Variants in ICA1L observed in about 807,000 individuals in gnomAD.
ICA1L encodes islet cell autoantigen 1 like.
ICA1L carries 50 observed loss-of-function variants against 61.3 expected under a neutral mutation model. That is an observed-to-expected ratio of 0.82 (90% confidence interval 0.65 to 1.03). ICA1L has a LOEUF of 1.03. Ranked by LOEUF, ICA1L falls within the 50% of genes least tolerant of loss-of-function variation. ICA1L has a pLI of 0.00. For missense variants in ICA1L, 508 were observed against 556.7 expected (o/e 0.91, Z 0.88); for synonymous variants, 161 against 191.3 (o/e 0.84, Z 1.31).
intron 9 of ICA1L, among the ~76,000 whole-genome samples, chr2:202,808,691 TG>T (rs1405137755): frequency 6.6e-6 from 1 of 152,106 alleles, no homozygotes; most frequent in Non-Finnish European, 1.5e-5. Flanking sequence ...TCCATGTGTT[TG>T]GGGGGAAGTA....
rs547227479 is a variant in ICA1L at position 202,798,774 on chromosome 2, C to T, written c.911-1810G>A. Among the ~76,000 whole-genome samples, 7 of 152,242 alleles carry T rather than the reference C, an allele frequency of 4.6e-5. No individual in the cohort carries two copies. In the East Asian group the frequency reaches 7.7e-4, roughly 17 times the overall value. Reference sequence around the variant, plus strand: ...CTTACCTCTTAATCCTCCTCACTGCCGCCACCACTCACCCTTTCCAGTCTT... The same window carrying T: ...CTTACCTCTTAATCCTCCTCACTGCTGCCACCACTCACCCTTTCCAGTCTT... On this transcript the variant is annotated intron_variant, in intron 9 of 12. Coordinates refer to ENST00000358299, the MANE Select transcript of ICA1L (RefSeq NM_001288622.3).
At chr2:202,791,446 T>C (rs758124677) in intron 10 of ICA1L, among the ~76,000 whole-genome samples, 10 of 151,944 alleles carry the variant, frequency 6.6e-5, no homozygotes, top group Admixed American at 5.3e-4. Context: ...GTCAATAGAG[T>C]TGAATAGATT....
chr2:202,837,200 A>G (rs969386212), intron 1 of ICA1L, among the ~76,000 whole-genome samples: 1 of 151,312 alleles, frequency 6.6e-6, no homozygotes, highest in African/African-American at 2.4e-5. Context: ...ATCAGCTGTA[A>G]TGTCTCCCTC....
At chr2:202,858,703 G>A (rs1694829684) in intron 1 of ICA1L, among the ~76,000 whole-genome samples, 1 of 152,194 alleles carries the variant, frequency 6.6e-6, no homozygotes, top group Non-Finnish European at 1.5e-5. Context: ...GCCTAGTGAT[G>A]TCATAGCCAT....
At chr2:202,813,288 T>A (rs536758542) in intron 8 of ICA1L, among the ~76,000 whole-genome samples, 68 of 152,004 alleles carry the variant, frequency 4.5e-4, no homozygotes, top group Non-Finnish European at 7.9e-4. Flanking sequence ...ATATATAAAT[T>A]CACAAATTTA....
chr2:202,796,316 A>T (rs1368900843), intron 10 of ICA1L, among the ~76,000 whole-genome samples: 1 of 152,224 alleles, frequency 6.6e-6, no homozygotes, highest in Non-Finnish European at 1.5e-5. Context: ...AATTTTTTTA[A>T]CTTAAAGAAA....
intron 9 of ICA1L, among the ~76,000 whole-genome samples, chr2:202,810,545 T>C (rs1420918347): frequency 6.6e-6 from 1 of 152,180 alleles, no homozygotes; most frequent in Non-Finnish European, 1.5e-5. Context: ...CTGTGATGAT[T>C]GCATTAACTG....
intron 9 of ICA1L, among the ~76,000 whole-genome samples, chr2:202,801,849 C>T (rs1374761074): frequency 6.6e-6 from 1 of 152,150 alleles, no homozygotes; most frequent in African/African-American, 2.4e-5. Context: ...AAAGTGGTCA[C>T]CAGGCTGTGA....
chr2:202,814,914 T>C (rs564036398), intron 7 of ICA1L, 130 bp from the exon 8 acceptor site: 8 of 655,078 alleles, frequency 1.2e-5, no homozygotes, highest in East Asian at 5.4e-5. Context: ...GTGAAAGATA[T>C]AGGACATGTA....
In ICA1L at chr2:202,774,963, CACT is replaced by C. The variant is rs1478396771; in HGVS notation, c.*4567_*4569del. ...TGGCCAATGAGTAGTTAATTTACACCACTGAGTGAAGAACCATGTTTTGACTTT... is the reference window on the plus strand; with the variant it reads ...TGGCCAATGAGTAGTTAATTTACACCGAGTGAAGAACCATGTTTTGACTTT... On this transcript the variant is annotated 3_prime_UTR_variant, in exon 13 of 13. Coordinates refer to ENST00000358299, the MANE Select transcript of ICA1L (RefSeq NM_001288622.3). 3 of 152,186 alleles carry C rather than the reference CACT, an allele frequency of 2.0e-5. No homozygotes were observed. Among genetic ancestry groups the C allele is most frequent in the African/African-American group, 7.2e-5 (3 of 41,444 alleles). 9.4% of individuals were successfully genotyped at this position (152,186 alleles called of 1,614,324 possible).
intron 8 of ICA1L, among the ~76,000 whole-genome samples, chr2:202,814,456 G>A (rs1010943543): frequency 2.0e-5 from 3 of 152,108 alleles, no homozygotes; most frequent in Admixed American, 6.5e-5. Flanking sequence ...AGAAACCAGG[G>A]CCACGCTCTT....
intron 1 of ICA1L, chr2:202,841,372 C>A (rs899536584): frequency 5.7e-6 from 5 of 878,850 alleles, no homozygotes; most frequent in Non-Finnish European, 9.6e-6. Context: ...AACATGTTGT[C>A]CGTGTTGCTC....
chr2:202,817,924 T>G (rs1281267083), intron 5 of ICA1L, among the ~76,000 whole-genome samples: 2 of 152,370 alleles, frequency 1.3e-5, no homozygotes, highest in East Asian at 3.9e-4. Flanking sequence ...ACATTAATAA[T>G]ATTTCTGAAT....
chr2:202,837,627 A>G (rs551599262), intron 1 of ICA1L, among the ~76,000 whole-genome samples: 1 of 151,728 alleles, frequency 6.6e-6, no homozygotes, highest in East Asian at 1.9e-4. Context: ...TCTAGTCTCT[A>G]TTTATTTCTG....
chr2:202,802,162 A>G (rs984000601), intron 9 of ICA1L, among the ~76,000 whole-genome samples: 1 of 152,244 alleles, frequency 6.6e-6, no homozygotes, highest in Non-Finnish European at 1.5e-5. Context: ...AATAAAAAGT[A>G]TAGTTGTTGG....
intron 10 of ICA1L, among the ~76,000 whole-genome samples, chr2:202,789,710 C>T (rs1035556179): frequency 6.6e-6 from 1 of 152,090 alleles, no homozygotes; most frequent in African/African-American, 2.4e-5. Flanking sequence ...TACCAAACAA[C>T]GTTGAAAAGG....
At chr2:202,860,130 T>G (rs2105888104) in intron 1 of ICA1L, 1 of 151,932 alleles carries the variant, frequency 6.6e-6, no homozygotes, top group East Asian at 1.9e-4. Flanking sequence ...AAATTTACTG[T>G]GTGTGGTGGC....
rs1692948276 is a variant in ICA1L, at chr2:202,797,034, C to T, written c.911-70G>A. ...CAGCAAGCTTATTTACTGTAATAGTCTATCATTAGGTCAAGTGTTCAATTG... is the reference window on the plus strand; with the variant it reads ...CAGCAAGCTTATTTACTGTAATAGTTTATCATTAGGTCAAGTGTTCAATTG... On this transcript the variant is annotated intron_variant, in intron 9 of 12. Coordinates refer to ENST00000358299, the MANE Select transcript of ICA1L (RefSeq NM_001288622.3). 7.3e-6 allele frequency: 7 copies of T among 959,300 alleles called. No individual in the cohort carries two copies. The South Asian group carries it at 1.1e-4, about 15-fold the overall frequency. The allele number at this position is 959,300 out of a possible 1,614,324, so 59.4% of individuals were successfully genotyped here. A position where few individuals can be genotyped will look rare whatever the true frequency, so the allele number is the denominator to read the frequency against.
chr2:202,867,555 T>C (rs1042096167), intron 1 of ICA1L, among the ~76,000 whole-genome samples: 2 of 152,224 alleles, frequency 1.3e-5, no homozygotes, highest in Non-Finnish European at 2.9e-5. Flanking sequence ...ATTATATCTG[T>C]GGTCCATCAT....
Sources: allele counts gnomAD v4.1 joint callset (sites outside exome capture counted in the v4.1 genomes callset), GRCh38; gene constraint gnomAD v4.1.1; transcripts MANE v1.5; gene names NCBI Gene and HGNC (gene_info 2026-07-23, HGNC 2026-07-21).